EHMT1: variants seen among roughly 807,000 people sequenced by gnomAD.
The protein encoded by EHMT1 is histone-lysine N-methyltransferase EHMT1.
In EHMT1, 15 loss-of-function variants were observed where a neutral mutation model predicts 147.2. The observed-to-expected ratio is 0.10, with a 90% CI of 0.07 to 0.16. The LOEUF is 0.16. EHMT1 is among the 10% of genes least tolerant of loss of function. The pLI is 1.00. For missense variants in EHMT1, 1,587 were observed against 1,772.4 expected (o/e 0.90, Z 1.88); for synonymous variants, 795 against 709.6 (o/e 1.12, Z -1.91).
chr9:137,759,395 G>A (rs1194101895), intron 9 of EHMT1, among the ~76,000 whole-genome samples: 7 of 152,142 alleles, frequency 4.6e-5, no homozygotes, highest in African/African-American at 1.4e-4. Context: ...TTGTCAAATC[G>A]ACTCCTGCTG....
Position 137,814,528 on chromosome 9 carries a change from C to T in EHMT1, c.3258+20C>T, listed in dbSNP as rs775862079. The T allele has an allele frequency of 3.7e-6, 6 of 1,602,448 alleles. No individual in the cohort carries two copies. Among genetic ancestry groups the T allele is most frequent in the African/African-American group, 1.3e-5 (1 of 75,050 alleles). On this transcript the variant is annotated intron_variant, in intron 22 of 26. Transcript: ENST00000460843. ...GACAAGGTGAGGGCGGCCTCGTGTG[C>T]GTGGGCTCAGGTGGTAAGTGCCGCT...
chr9:137,779,292 T>C (rs953534708), intron 13 of EHMT1, among the ~76,000 whole-genome samples: 1 of 152,262 alleles, frequency 6.6e-6, no homozygotes, highest in Non-Finnish European at 1.5e-5. Flanking sequence ...TGGTCCCGGC[T>C]GTGCTGAGCG....
At chr9:137,744,188 T>C in intron 6 of EHMT1, 98 bp downstream of exon 6, 1 of 1,278,216 alleles carries the variant, frequency 7.8e-7, no homozygotes, top group Non-Finnish European at 1.1e-6. Context: ...TAGACCCTGA[T>C]AAAATCCCCT....
chr9:137,699,874 G>A (rs1943696573), intron 1 of EHMT1, among the ~76,000 whole-genome samples: 1 of 152,134 alleles, frequency 6.6e-6, no homozygotes, highest in South Asian at 2.1e-4. Context: ...AAGCAAATAT[G>A]TATATGCTGC....
In EHMT1 at chr9:137,744,079, C is replaced by T. The variant is rs532880924; in HGVS notation, c.1159C>T (p.Arg387Cys). Residue 387 changes from arginine (R) to cysteine (C), a missense_variant, in exon 6 of 27, where the codon CGC (arginine) becomes TGC (cysteine). Arg to Cys is a radical substitution (Grantham distance 180, BLOSUM62 -3). Coordinates refer to ENST00000460843, the MANE Select transcript of EHMT1 (RefSeq NM_024757.5). ...CAAGGAGAGCATGTCGGAGGCTGAT[C>T]GCGCCCAGAAGGTATGTGTTGCTGT... is the stretch of plus-strand genomic sequence containing the variant. ...TSKESMSEAD[R>C]AQKMDGESEE... is the part of the protein sequence containing the mutation. The T allele has an allele frequency of 1.9e-5, 30 of 1,614,050 alleles. No homozygotes were observed. The East Asian group carries it at 4.0e-4, about 22-fold the overall frequency.
At position 137,808,110 on chromosome 9, in the gene EHMT1, C is replaced by T. The variant is rs1054215407; in HGVS notation, c.2713-3351C>T. Reference sequence around the variant, plus strand: ...GGGTCTGGAGCCACCGAGGCAGGTCCGTCCATTGTCCTCCAGCCCACAGCC... The same window carrying T: ...GGGTCTGGAGCCACCGAGGCAGGTCTGTCCATTGTCCTCCAGCCCACAGCC... On this transcript the variant is annotated intron_variant, in intron 18 of 26. Coordinates refer to ENST00000460843, the MANE Select transcript of EHMT1 (RefSeq NM_024757.5). Among the ~76,000 whole-genome samples, 3 of 152,320 alleles carry T rather than the reference C, an allele frequency of 2.0e-5. 1 individual carries two copies. Among genetic ancestry groups the T allele is most frequent in the South Asian group, 4.1e-4 (2 of 4,822 alleles).
intron 1 of EHMT1, among the ~76,000 whole-genome samples, chr9:137,661,700 G>A (rs950425198): frequency 6.6e-6 from 1 of 151,926 alleles, no homozygotes; most frequent in South Asian, 2.1e-4. Context: ...TGGCCAGGCC[G>A]GTCTCAAACT....
intron 15 of EHMT1, chr9:137,788,458 G>A (rs1952184453): frequency 5.5e-6 from 1 of 182,588 alleles, no homozygotes. Flanking sequence ...CAGGCGTACG[G>A]AGGTTGCAGG....
intron 1 of EHMT1, among the ~76,000 whole-genome samples, chr9:137,673,653 T>C (rs1162005819): frequency 6.6e-6 from 1 of 152,230 alleles, no homozygotes; most frequent in Non-Finnish European, 1.5e-5. Flanking sequence ...CTGCCCTGCC[T>C]GGCACTGGCC....
At chr9:137,720,484 G>A (rs1384852521) in intron 3 of EHMT1, among the ~76,000 whole-genome samples, 3 of 151,884 alleles carry the variant, frequency 2.0e-5, no homozygotes, top group Non-Finnish European at 4.4e-5. Context: ...TTATATTTTT[G>A]TAGACAAGGG....
rs138681517 is a variant in EHMT1 at position 137,687,284 on chromosome 9, G to GT, written c.22-23679dup. ...CAGCTGTATCCTTCTTTTTCCAATTGTTTTGGCTCTCTTGACCCTCTGAAT... is the reference window on the plus strand; with the variant it reads ...CAGCTGTATCCTTCTTTTTCCAATTGTTTTTGGCTCTCTTGACCCTCTGAAT... On this transcript the variant is annotated intron_variant, in intron 1 of 26. Coordinates refer to ENST00000460843, the MANE Select transcript of EHMT1 (RefSeq NM_024757.5). 6.7e-3 allele frequency among the ~76,000 whole-genome samples: 1,027 copies of GT among 152,244 alleles called. 7 individuals are homozygous for GT. The highest frequency in any genetic ancestry group is 0.012 in the Admixed American group (185 of 15,284).
chr9:137,780,478 G>A, intron 14 of EHMT1, among the ~76,000 whole-genome samples: 1 of 130,784 alleles, frequency 7.6e-6, no homozygotes. Flanking sequence ...TGATGACGCT[G>A]AGACGTGTGG....
rs2135501615 is a variant in EHMT1 at position 137,716,691 on chromosome 9, G to T, written c.151G>T (p.Asp51Tyr). 3 of 1,606,652 alleles carry T rather than the reference G, an allele frequency of 1.9e-6. No homozygotes were observed. The highest frequency in any genetic ancestry group is 2.6e-6 in the Non-Finnish European group (3 of 1,174,784). The change falls in exon 3 of 27, where the codon GAC (aspartate) becomes TAC (tyrosine). Residue 51 changes from aspartate to tyrosine, a missense_variant. Physicochemically the swap from Asp to Tyr is radical, Grantham distance 160. Around this residue, in one of 7 missense-constraint regions of EHMT1, gnomAD observed 810 missense variants for 673.0 expected, o/e 1.20. Coordinates refer to ENST00000460843, the MANE Select transcript of EHMT1 (RefSeq NM_024757.5). The stretch of plus-strand genomic sequence containing the variant: ...GGCAGGAGAGGCCCACATGGCTGCG[G>T]ACGGTGAGACCAATGGGTCTTGTGA... ...KQAGEAHMAA[D>Y]GETNGSCENS...
intron 18 of EHMT1, among the ~76,000 whole-genome samples, chr9:137,810,721 AGAG>A (rs1362889535): frequency 1.3e-5 from 2 of 150,774 alleles, no homozygotes; most frequent in Non-Finnish European, 2.9e-5. Context: ...TTTTTGAGAC[AGAG>A]TTTCGCTCTT....
chr9:137,621,083 A>G (rs1240645646), intron 1 of EHMT1, among the ~76,000 whole-genome samples: 1 of 152,236 alleles, frequency 6.6e-6, no homozygotes, highest in South Asian at 2.1e-4. Flanking sequence ...GTTTGGCCAT[A>G]GAGCTGATGC....
chr9:137,619,173 CCCGCCGCCGCCGCCGCCGCTG>C (rs1236893062), intron 1 of EHMT1, 124 bp downstream of exon 1: 1 of 161,228 alleles, frequency 6.2e-6, no homozygotes, highest in Non-Finnish European at 1.2e-5. Context: ...CCCGGGTCCC[CCCGCCGCCGCCGCCGCCGCTG>C]CCGCCGCCTC....
intron 1 of EHMT1, among the ~76,000 whole-genome samples, chr9:137,669,141 C>T (rs1940092608): frequency 6.6e-6 from 1 of 152,142 alleles, no homozygotes; most frequent in South Asian, 2.1e-4. Flanking sequence ...CCTGCCTAGG[C>T]CTCTCAAAGT....
At chr9:137,812,439 C>T (rs1455700151) in intron 19 of EHMT1, among the ~76,000 whole-genome samples, 1 of 152,244 alleles carries the variant, frequency 6.6e-6, no homozygotes, top group Non-Finnish European at 1.5e-5. Context: ...GTGTGTTTGG[C>T]TGCTGGGGAA....
At chr9:137,814,701 A>G (rs2137763840) in intron 22 of EHMT1, 193 bp downstream of exon 22, 1 of 658,214 alleles carries the variant, frequency 1.5e-6, no homozygotes, top group Non-Finnish European at 2.7e-6. Flanking sequence ...AGCCGAGGAC[A>G]TGGCTGCGGA....
Sources: gnomAD v4.1 joint callset for allele counts (sites outside exome capture counted in the v4.1 genomes callset) on GRCh38, gnomAD v4.1.1 for gene constraint, gnomAD v4.1.1 regional missense constraint, MANE v1.5 for transcripts, NCBI Gene and HGNC (gene_info 2026-07-23, HGNC 2026-07-21) for gene names.